Variants in POM121 observed in about 807,000 individuals in gnomAD.
The protein encoded by POM121 is POM121 transmembrane nucleoporin, also known as nuclear envelope pore membrane protein POM 121.
Under a neutral mutation model 81.3 loss-of-function variants are expected in POM121, and 32 were observed. The ratio of observed to expected loss-of-function variants is 0.39; its 90% CI spans 0.30 to 0.53. The LOEUF is 0.53. POM121 is among the 20% of genes least tolerant of loss of function. The probability of loss-of-function intolerance (pLI) is 0.66; values close to 1 mark genes in which losing one functional copy is unlikely to be tolerated. For synonymous variants in POM121, 514 were observed against 694.2 expected, an observed-to-expected ratio of 0.74 and a Z score of 4.08; for missense variants, 1,138 against 1,614.6, an observed-to-expected ratio of 0.70 and a Z score of 5.06.
In POM121 at chr7:72,930,384, TTAAGC is replaced by T. The variant is rs560424747; in HGVS notation, c.1275+277_1275+281del. 6.6e-5 allele frequency among the ~76,000 whole-genome samples: 10 copies of T among 152,336 alleles called. No individual in the cohort carries two copies. The South Asian group carries it at 1.0e-3, about 16-fold the overall frequency. The stretch of plus-strand genomic sequence containing the variant: ...TATCTGTCAGACATTAGAATTGTCT[TTAAGC>T]TAATAGAAAATACAGATCATTGAGT... On this transcript the variant is annotated intron_variant, in intron 5 of 12. Coordinates refer to ENST00000434423, the MANE Select transcript of POM121 (RefSeq NM_001387691.1).
At chr7:72,927,574 G>A (rs1795587268) in intron 3 of POM121, among the ~76,000 whole-genome samples, 1 of 152,042 alleles carries the variant, frequency 6.6e-6, no homozygotes, top group African/African-American at 2.4e-5. Flanking sequence ...GCTGGATGTG[G>A]TGGTGGGCGC....
At chr7:72,932,385 A>T (rs1796107753) in intron 5 of POM121, among the ~76,000 whole-genome samples, 1 of 151,358 alleles carries the variant, frequency 6.6e-6, no homozygotes, top group Non-Finnish European at 1.5e-5. Flanking sequence ...CATAATAGAT[A>T]GTTGAGGTCA....
At chr7:72,936,470 G>A (rs1796517498) in intron 5 of POM121, among the ~76,000 whole-genome samples, 1 of 150,098 alleles carries the variant, frequency 6.7e-6, no homozygotes, top group Non-Finnish European at 1.5e-5. Context: ...GTAGAGACGG[G>A]GTTTCACCAT....
At chr7:72,894,674 A>AGAGATCTC (rs1791741478) in intron 3 of POM121, among the ~76,000 whole-genome samples, 1 of 148,634 alleles carries the variant, frequency 6.7e-6, no homozygotes, top group East Asian at 2.0e-4. Context: ...AGAGAGAGAG[A>AGAGATCTC]GAGAGAGATC....
Position 72,943,016 on chromosome 7 carries a change from C to T in POM121, c.3023C>T (p.Thr1008Ile). The change falls in exon 11 of 13, where the codon ACA (threonine) becomes ATA (isoleucine). Residue 1008 changes from threonine to isoleucine, a missense_variant. Thr to Ile is a moderately conservative substitution (Grantham distance 89). Transcript: ENST00000434423. ...GNSAAPAAAP[T>I]PAPPSMIKVV... is the part of the protein sequence containing the mutation. The stretch of plus-strand genomic sequence containing the variant: ...TCTGCAGCCCCGGCTGCTGCACCCA[C>T]ACCTGCACCTCCGTCCATGATCAAG... 1.2e-6 allele frequency: 2 copies of T among 1,613,836 alleles called. No homozygotes were observed. The highest frequency in any genetic ancestry group is 1.7e-6 in the Non-Finnish European group (2 of 1,179,838).
rs782560774 is a variant in POM121 at position 72,938,691 on chromosome 7, A to G, written c.1367+10A>G. On this transcript the variant is annotated intron_variant, in intron 6 of 12. Coordinates refer to ENST00000434423, the MANE Select transcript of POM121 (RefSeq NM_001387691.1). ...CAGCAAAGAAAATAAGGTACTTGGC[A>G]TTCTCCTGCAGTTTTCATTTGCTGC... 1 of 1,612,504 alleles carries G rather than the reference A, an allele frequency of 6.2e-7. No homozygotes were observed. The highest frequency in any genetic ancestry group is 8.5e-7 in the Non-Finnish European group (1 of 1,178,522).
intron 2 of POM121, 83 bp downstream of exon 2, chr7:72,926,560 C>T (rs1482282422): frequency 1.0e-4 from 163 of 1,586,252 alleles, no homozygotes; most frequent in Non-Finnish European, 1.3e-4. Flanking sequence ...ATGACTACAA[C>T]GCAGAAAAGA....
intron 3 of POM121, among the ~76,000 whole-genome samples, chr7:72,892,212 A>G (rs1327240045): frequency 1.3e-5 from 2 of 152,182 alleles, no homozygotes; most frequent in African/African-American, 4.8e-5. Flanking sequence ...CTCAACTTCT[A>G]AGACCTTTTT....
downstream of POM121, chr7:72,948,811 G>T (rs1797891525): frequency 1.3e-6 from 2 of 1,531,478 alleles, no homozygotes; most frequent in East Asian, 2.2e-5. Flanking sequence ...GAGCTAGCCT[G>T]CAAGAGAAAC....
chr7:72,916,108 C>T (rs575323276), intron 4 of POM121, among the ~76,000 whole-genome samples: 9 of 152,286 alleles, frequency 5.9e-5, no homozygotes, highest in East Asian at 1.9e-4. Flanking sequence ...AATTTTCTCC[C>T]GTTCTGTAGG....
At chr7:72,913,512 G>A (rs1554494600) in intron 3 of POM121, among the ~76,000 whole-genome samples, 3 of 152,228 alleles carry the variant, frequency 2.0e-5, no homozygotes, top group African/African-American at 7.2e-5. Flanking sequence ...TTTGGGAGCA[G>A]GGATTGGCTG....
intron 3 of POM121, among the ~76,000 whole-genome samples, chr7:72,911,772 G>A (rs529415644): frequency 1.6e-4 from 25 of 152,288 alleles, no homozygotes; most frequent in Non-Finnish European, 2.9e-4. Flanking sequence ...AGCAGCACTC[G>A]GTACATGGTG....
intron 3 of POM121, among the ~76,000 whole-genome samples, chr7:72,903,465 T>C (rs868962499): frequency 6.6e-6 from 1 of 152,188 alleles, no homozygotes. Context: ...ATTTTGAGTA[T>C]TATAATGGGG....
chr7:72,929,173 C>T, intron 4 of POM121, among the ~76,000 whole-genome samples: 1 of 152,004 alleles, frequency 6.6e-6, no homozygotes, highest in East Asian at 1.9e-4. Context: ...GAAGTATTAG[C>T]CCAGAGGAGA....
chr7:72,915,175 T>C (rs1794179279), intron 4 of POM121, among the ~76,000 whole-genome samples: 1 of 152,124 alleles, frequency 6.6e-6, no homozygotes, highest in Non-Finnish European at 1.5e-5. Flanking sequence ...ATTGTTGGGG[T>C]TAACCATTAC....
In POM121 at chr7:72,946,138, A is replaced by T; in HGVS notation, c.3654A>T (p.Gly1218=). Residue 1218 remains glycine, a splice_region_variant and synonymous_variant, in exon 13 of 13, where the codon GGA becomes GGT. Coordinates refer to ENST00000434423, the MANE Select transcript of POM121 (RefSeq NM_001387691.1). ...AQGFVGVAPF[G]SAALSFSIGA... is the part of the protein sequence containing the mutation. ...TGAGGTCTTGTTGAATCTTTCCAGG[A>T]TCGGCGGCCCTTTCATTTTCCATTG... is the stretch of plus-strand genomic sequence containing the variant. 6.2e-7 allele frequency: 1 copy of T among 1,611,658 alleles called. No homozygotes were observed. The highest frequency in any genetic ancestry group is 8.5e-7 in the Non-Finnish European group (1 of 1,179,692).
chr7:72,945,244 T>C (rs1797559083), intron 11 of POM121, among the ~76,000 whole-genome samples: 1 of 152,060 alleles, frequency 6.6e-6, no homozygotes, highest in South Asian at 2.1e-4. Flanking sequence ...GGAAAAGGCC[T>C]GAACAGAGGA....
intron 3 of POM121, chr7:72,891,191 C>G (rs555923591): frequency 3.4e-6 from 2 of 594,238 alleles, no homozygotes; most frequent in African/African-American, 3.7e-5. Context: ...TATATGTATT[C>G]GGTACCCTCA....
At chr7:72,880,698 A>T (rs1790054278) in intron 1 of POM121, among the ~76,000 whole-genome samples, 1 of 151,460 alleles carries the variant, frequency 6.6e-6, no homozygotes, top group Admixed American at 6.6e-5. Flanking sequence ...AGACCAGCCT[A>T]GACAACATGG....
Sources: gnomAD v4.1 joint callset for allele counts (sites outside exome capture counted in the v4.1 genomes callset) on GRCh38, gnomAD v4.1.1 for gene constraint, MANE v1.5 for transcripts, NCBI Gene and HGNC (gene_info 2026-07-23, HGNC 2026-07-21) for gene names.